The following B3GALNT2 variants were observed in gnomAD, a reference collection of about 807,000 sequenced individuals.
B3GALNT2 encodes beta-1,3-N-acetylgalactosaminyltransferase 2, also known as UDP-GalNAc:beta-1,3-N-acetylgalactosaminyltransferase 2.
A neutral mutation model predicts 61.1 loss-of-function variants in B3GALNT2; 53 were observed. The ratio of observed to expected loss-of-function variants is 0.87; its 90% confidence interval spans 0.70 to 1.09. B3GALNT2 has a LOEUF of 1.09. Among genes scored for constraint, B3GALNT2 ranks in the 50% least tolerant of loss-of-function variants. B3GALNT2 has a pLI of 0.00. For synonymous variants in B3GALNT2, 223 were observed against 237.4 expected (o/e 0.94, Z 0.56); for missense variants, 544 against 623.0 (o/e 0.87, Z 1.35).
intron 1 of B3GALNT2, 39 bp downstream of exon 1, chr1:235,504,102 C>A (rs1031605683): frequency 1.2e-5 from 15 of 1,208,490 alleles, no homozygotes; most frequent in Admixed American, 4.4e-5. Flanking sequence ...CCTCCCACCC[C>A]CCCGGCGGCC....
At chr1:235,456,361 C>G (rs924537526) in intron 8 of B3GALNT2, among the ~76,000 whole-genome samples, 2 of 152,142 alleles carry the variant, frequency 1.3e-5, no homozygotes, top group Non-Finnish European at 2.9e-5. Flanking sequence ...TTTAAAAATG[C>G]AGTTTTGCTA....
At position 235,490,462 on chromosome 1, in the gene B3GALNT2, G is replaced by A. The variant is rs1019267227; in HGVS notation, c.261-1194C>T. Among the ~76,000 whole-genome samples the A allele has an allele frequency of 3.9e-5, 6 of 152,040 alleles. No individual in the cohort carries two copies. The East Asian group carries it at 7.7e-4, about 20-fold the overall frequency. ...GCCAGGCTGGTCTCGAACTCTTGGC[G>A]TCAAGTGATCTGCCTGCCTTGGCCT... On this transcript the variant is annotated intron_variant, in intron 2 of 11. Coordinates refer to ENST00000366600, the MANE Select transcript of B3GALNT2 (RefSeq NM_152490.5).
chr1:235,470,945 T>C lies in B3GALNT2; in HGVS notation c.667A>G (p.Ile223Val), dbSNP rs1248900596. ...FILPESFEGT[I>V]VWESQDLHGL... ...TGGAGGTCTTGGCTCTCCCACACGA[T>C]TGTACCTTCAAAGCTCTTTTGTAGA... is the stretch of plus-strand genomic sequence containing the variant. Residue 223 changes from isoleucine to valine, a missense_variant, in exon 6 of 12, where the codon ATC becomes GTC. Transcript: ENST00000366600. The C allele has an allele frequency of 1.9e-6, 3 of 1,613,796 alleles. No individual in the cohort carries two copies. The highest frequency in any genetic ancestry group is 8.5e-7 in the Non-Finnish European group (1 of 1,179,872).
chr1:235,483,135 C>G (rs949884784), intron 4 of B3GALNT2, among the ~76,000 whole-genome samples: 9 of 152,034 alleles, frequency 5.9e-5, no homozygotes, highest in African/African-American at 2.2e-4. Context: ...ATAAAAAATT[C>G]ATTGGATAGG....
Position 235,484,517 on chromosome 1 carries a change from T to G in B3GALNT2, c.362-2A>C. On this transcript the variant is annotated splice_acceptor_variant, in intron 3 of 11. Transcript: ENST00000366600. LOFTEE classifies it high-confidence loss of function. ...ACGCTTCAATTTCCTGATTCAAAAC[T>G]AAGTAATGAGAACAGGTTTATATAA... 1 of 1,613,844 alleles carries G rather than the reference T, an allele frequency of 6.2e-7. No homozygotes were observed. The highest frequency in any genetic ancestry group is 1.1e-5 in the South Asian group (1 of 91,024).
intron 1 of B3GALNT2, among the ~76,000 whole-genome samples, chr1:235,497,340 T>C (rs1444306678): frequency 6.6e-6 from 1 of 152,232 alleles, no homozygotes; most frequent in African/African-American, 2.4e-5. Context: ...GATTTTGCAT[T>C]ACGTTAGTAA....
Position 235,448,912 on chromosome 1 carries a change from A to G in B3GALNT2, c.*1294T>C, listed in dbSNP as rs564895195. Reference sequence around the variant, plus strand: ...ACAAGGGATGTATTTTTTGTTGGGAAGTGACCATTTCTAGGCTTATACATA... The same window carrying G: ...ACAAGGGATGTATTTTTTGTTGGGAGGTGACCATTTCTAGGCTTATACATA... On this transcript the variant is annotated 3_prime_UTR_variant, in exon 12 of 12. Transcript: ENST00000366600. The G allele has an allele frequency of 5.3e-5, 36 of 676,062 alleles. 1 individual carries two copies. The highest frequency in any genetic ancestry group is 5.1e-4 in the South Asian group (33 of 64,446). The allele number at this position is 676,062 out of a possible 1,614,324, so 41.9% of individuals were successfully genotyped here.
chr1:235,442,983 A>T (rs1681998298), downstream of B3GALNT2: 1 of 1,466,282 alleles, frequency 6.8e-7, no homozygotes, highest in South Asian at 1.1e-5. Flanking sequence ...CTAAAATTAA[A>T]ACCTTTAACT....
At chr1:235,443,036 A>AGTCT, downstream of B3GALNT2, 1 of 916,468 alleles carries the variant, frequency 1.1e-6, no homozygotes. Context: ...GGTTTTCATT[A>AGTCT]GTCTTTTATA....
At chr1:235,480,905 C>CAAAAAAAAAAAAAA (rs55666590) in intron 4 of B3GALNT2, among the ~76,000 whole-genome samples, 2 of 31,172 alleles carry the variant, frequency 6.4e-5, no homozygotes, top group Non-Finnish European at 1.1e-4. Flanking sequence ...GACTCTGTCT[C>CAAAAAAAAAAAAAA]AAAAAAAAAA....
At chr1:235,446,876 G>A (rs960794741), downstream of B3GALNT2, among the ~76,000 whole-genome samples, 19 of 152,060 alleles carry the variant, frequency 1.2e-4, no homozygotes, top group African/African-American at 4.3e-4. Flanking sequence ...TAGAGATGGG[G>A]TATCCTCATG....
At chr1:235,498,696 T>C (rs1426768581) in intron 1 of B3GALNT2, among the ~76,000 whole-genome samples, 1 of 151,444 alleles carries the variant, frequency 6.6e-6, no homozygotes, top group Non-Finnish European at 1.5e-5. Flanking sequence ...CAACAAAAAT[T>C]AGCTAGGTGT....
At chr1:235,457,534 G>A (rs1234894150) in intron 8 of B3GALNT2, among the ~76,000 whole-genome samples, 1 of 152,022 alleles carries the variant, frequency 6.6e-6, no homozygotes, top group African/African-American at 2.4e-5. Flanking sequence ...ATTATATATT[G>A]TTGCTGTTAT....
intron 1 of B3GALNT2, among the ~76,000 whole-genome samples, chr1:235,501,337 G>A (rs1207994639): frequency 6.6e-6 from 1 of 152,074 alleles, no homozygotes; most frequent in African/African-American, 2.4e-5. Flanking sequence ...TAAAAAAGTT[G>A]CTGACTCTGG....
chr1:235,496,407 CAATTT>C (rs1433961026), intron 1 of B3GALNT2: 4 of 742,012 alleles, frequency 5.4e-6, no homozygotes, highest in East Asian at 1.3e-4. Context: ...TTTATAAAGA[CAATTT>C]ATTTTTAAAT....
At chr1:235,483,592 C>CA (rs1684656869) in intron 4 of B3GALNT2, among the ~76,000 whole-genome samples, 2 of 152,038 alleles carry the variant, frequency 1.3e-5, no homozygotes, top group Admixed American at 1.3e-4. Context: ...GCCCACATGG[C>CA]AAAATCCCAT....
intron 5 of B3GALNT2, chr1:235,479,416 G>C (rs1211206444): frequency 6.6e-6 from 1 of 152,250 alleles, no homozygotes; most frequent in Non-Finnish European, 1.5e-5. Context: ...GCTGATGAAT[G>C]AATAATTTGT....
chr1:235,480,896 ACT>A (rs1365822890), intron 4 of B3GALNT2, among the ~76,000 whole-genome samples: 1 of 113,206 alleles, frequency 8.8e-6, no homozygotes, highest in Non-Finnish European at 1.7e-5. Context: ...GCAGAGCCAG[ACT>A]CTGTCTCAAA....
chr1:235,469,540 TC>T (rs1683884569), intron 6 of B3GALNT2, among the ~76,000 whole-genome samples: 1 of 152,050 alleles, frequency 6.6e-6, no homozygotes, highest in South Asian at 2.1e-4. Context: ...AAGTACTCAA[TC>T]TTATTTTCTA....
Sources: gnomAD v4.1 joint callset for allele counts (sites outside exome capture counted in the v4.1 genomes callset) on GRCh38, gnomAD v4.1.1 for gene constraint, MANE v1.5 for transcripts, NCBI Gene and HGNC (gene_info 2026-07-23, HGNC 2026-07-21) for gene names.